HDAC4: variants seen among roughly 807,000 people sequenced by gnomAD.
HDAC4 encodes the protein histone deacetylase A.
A neutral mutation model predicts 135.1 loss-of-function variants in HDAC4; 16 were observed. The observed-to-expected ratio is 0.12, with a 90% CI of 0.08 to 0.18. HDAC4 has a LOEUF of 0.18. HDAC4 is among the 10% of genes least tolerant of loss of function. The pLI, the probability that HDAC4 is intolerant of heterozygous loss-of-function variation, is 1.00. For synonymous variants in HDAC4, 685 were observed against 653.4 expected, an observed-to-expected ratio of 1.05 and a Z score of -0.74; for missense variants, 1,143 against 1,511.8, an observed-to-expected ratio of 0.76 and a Z score of 4.05.
At chr2:239,230,748 G>A (rs1050618691) in intron 3 of HDAC4, among the ~76,000 whole-genome samples, 2 of 152,206 alleles carry the variant, frequency 1.3e-5, no homozygotes, top group Non-Finnish European at 2.9e-5. Flanking sequence ...TTGTTACCAC[G>A]GGCTCTGTGT....
chr2:239,308,546 C>T lies in HDAC4; in HGVS notation c.22+44132G>A, dbSNP rs1264077643. On this transcript the variant is annotated intron_variant, in intron 2 of 26. Coordinates refer to ENST00000543185, the MANE Select transcript of HDAC4 (RefSeq NM_001378414.1). The surrounding 1 kb of genome is among the most constrained non-coding windows in gnomAD (Gnocchi z 4.2). The stretch of plus-strand genomic sequence containing the variant: ...CGTTGGTGGAATACATAACCTCCAT[C>T]CACAGCCAGATACTGCTTCCGGAAC... Among the ~76,000 whole-genome samples the T allele has an allele frequency of 6.6e-6, 1 of 152,176 alleles. No homozygotes were observed. The highest frequency in any genetic ancestry group is 2.4e-5 in the African/African-American group (1 of 41,440).
chr2:239,111,516 C>G lies in HDAC4; in HGVS notation c.1978+10G>C, dbSNP rs142812167. 1.6e-5 allele frequency: 26 copies of G among 1,610,554 alleles called. No individual in the cohort carries two copies. Among genetic ancestry groups the G allele is most frequent in the Admixed American group, 5.0e-5 (3 of 59,838 alleles). ...TTGCACCCTCAGGCTGCACAAAGGCCACGTGTTACCTGTCGTGAACCTCGG... is the reference window on the plus strand; with the variant it reads ...TTGCACCCTCAGGCTGCACAAAGGCGACGTGTTACCTGTCGTGAACCTCGG... On this transcript the variant is annotated intron_variant, in intron 14 of 26. Transcript: ENST00000543185.
At chr2:239,199,876 A>G (rs1197302644) in intron 3 of HDAC4, among the ~76,000 whole-genome samples, 1 of 152,030 alleles carries the variant, frequency 6.6e-6, no homozygotes, top group Non-Finnish European at 1.5e-5. Flanking sequence ...TGGGACTACT[A>G]CAGACGCCAG....
intron 2 of HDAC4, among the ~76,000 whole-genome samples, chr2:239,244,648 G>T (rs574376734): frequency 3.3e-5 from 5 of 152,150 alleles, no homozygotes; most frequent in African/African-American, 1.2e-4. Flanking sequence ...GATCTACAAG[G>T]TCAGCCAAAT....
chr2:239,199,305 C>T (rs2045606590), intron 3 of HDAC4, among the ~76,000 whole-genome samples: 1 of 151,998 alleles, frequency 6.6e-6, no homozygotes, highest in Admixed American at 6.6e-5. Context: ...CTCTGGGTGG[C>T]TTTTTTGTGT....
chr2:239,136,125 A>G (rs1302356855), intron 9 of HDAC4, among the ~76,000 whole-genome samples: 1 of 152,228 alleles, frequency 6.6e-6, no homozygotes, highest in African/African-American at 2.4e-5. Flanking sequence ...AAACAAAGAG[A>G]AGGAATAAAA....
At chr2:239,196,282 G>A (rs1345213328) in intron 3 of HDAC4, among the ~76,000 whole-genome samples, 2 of 152,090 alleles carry the variant, frequency 1.3e-5, no homozygotes, top group Admixed American at 6.6e-5. Flanking sequence ...GAACAAGTAT[G>A]TTTAGTAAAA....
chr2:239,088,759 CTG>C (rs1347323109), intron 18 of HDAC4, among the ~76,000 whole-genome samples: 3 of 152,240 alleles, frequency 2.0e-5, no homozygotes. Context: ...GCGTGAGAAA[CTG>C]TGAGCTTTCC....
At chr2:239,233,549 G>A (rs1027791761) in intron 3 of HDAC4, among the ~76,000 whole-genome samples, 32 of 151,896 alleles carry the variant, frequency 2.1e-4, no homozygotes, top group African/African-American at 7.5e-4. Flanking sequence ...CTTTCCCAAA[G>A]CACATGATAT....
chr2:239,164,278 C>T (rs1254587923), intron 5 of HDAC4, among the ~76,000 whole-genome samples: 2 of 152,228 alleles, frequency 1.3e-5, no homozygotes, highest in Admixed American at 6.5e-5. Context: ...TTCTTGCTAC[C>T]GCAAAGCAGA....
At chr2:239,122,630 C>T (rs1285133267) in intron 12 of HDAC4, among the ~76,000 whole-genome samples, 4 of 152,206 alleles carry the variant, frequency 2.6e-5, no homozygotes, top group African/African-American at 7.2e-5. Context: ...AGCTCGGGGT[C>T]GATCCTGTCC....
At chr2:239,198,506 C>T (rs11675596) in intron 3 of HDAC4, among the ~76,000 whole-genome samples, 12,349 of 152,262 alleles carry the variant, frequency 0.081, 575 homozygotes, top group Non-Finnish European at 0.1. Flanking sequence ...ACTAGCCCCC[C>T]GTTCTTGCTG....
intron 2 of HDAC4, among the ~76,000 whole-genome samples, chr2:239,341,288 T>C (rs564038448): frequency 1.4e-4 from 22 of 152,354 alleles, no homozygotes; most frequent in African/African-American, 4.6e-4. Context: ...CACAGCCACA[T>C]TGAGACTGCA....
intron 5 of HDAC4, among the ~76,000 whole-genome samples, chr2:239,168,654 G>A (rs983954861): frequency 2.6e-5 from 4 of 152,160 alleles, no homozygotes; most frequent in East Asian, 1.9e-4. Flanking sequence ...GCGCCGGCCC[G>A]CCACTGCTCC....
chr2:239,291,457 G>C (rs1280739371), intron 2 of HDAC4, among the ~76,000 whole-genome samples: 3 of 152,216 alleles, frequency 2.0e-5, no homozygotes, highest in African/African-American at 7.2e-5. Context: ...AGGAAGAGCT[G>C]CAGTGGGATT....
intron 22 of HDAC4, among the ~76,000 whole-genome samples, chr2:239,075,678 C>T (rs1318781929): frequency 1.3e-5 from 2 of 152,230 alleles, no homozygotes; most frequent in Non-Finnish European, 2.9e-5. Context: ...CCACGCATCC[C>T]CTTCCCGTGG....
intron 19 of HDAC4, among the ~76,000 whole-genome samples, chr2:239,085,376 G>A (rs1294793538): frequency 2.6e-5 from 4 of 152,274 alleles, no homozygotes; most frequent in South Asian, 2.1e-4. Context: ...CCACAGAAAC[G>A]GAGAAACACT....
chr2:239,257,941 GCAATAC>G (rs2049139055), intron 2 of HDAC4, among the ~76,000 whole-genome samples: 2 of 152,172 alleles, frequency 1.3e-5, no homozygotes, highest in South Asian at 4.1e-4. Context: ...CTTATTTGCT[GCAATAC>G]CAGGACCCAT....
At chr2:239,372,685 G>A (rs1694714354) in intron 1 of HDAC4, among the ~76,000 whole-genome samples, 1 of 152,228 alleles carries the variant, frequency 6.6e-6, no homozygotes, top group African/African-American at 2.4e-5. Context: ...CAGACACACT[G>A]CTTCATGTTC....
Sources: allele counts gnomAD v4.1 joint callset (sites outside exome capture counted in the v4.1 genomes callset), GRCh38; gene constraint gnomAD v4.1.1; non-coding constraint Gnocchi (gnomAD v3.1); transcripts MANE v1.5; gene names NCBI Gene and HGNC (gene_info 2026-07-23, HGNC 2026-07-21).